CACNB4: variants seen among roughly 807,000 people sequenced by gnomAD.
CACNB4 encodes calcium voltage-gated channel auxiliary subunit beta 4.
In CACNB4, 32 loss-of-function variants were observed where a neutral mutation model predicts 71.2. That is an observed-to-expected ratio of 0.45 (90% CI 0.34 to 0.60). The LOEUF is 0.60. CACNB4 is among the 20% of genes least tolerant of loss of function. The pLI is 0.01. For synonymous variants in CACNB4, 231 were observed against 236.9 expected, an observed-to-expected ratio of 0.97 and a Z score of 0.23; for missense variants, 464 against 647.9, an observed-to-expected ratio of 0.72 and a Z score of 3.08.
intron 8 of CACNB4, 44 bp downstream of exon 8, chr2:151,870,487 G>T: frequency 1.3e-6 from 2 of 1,496,628 alleles, no homozygotes; most frequent in East Asian, 2.3e-5. Context: ...ACTGTCTCCT[G>T]GGTGCTCGAT....
intron 2 of CACNB4, among the ~76,000 whole-genome samples, chr2:152,000,326 C>T (rs1682325390): frequency 1.3e-5 from 2 of 152,234 alleles, no homozygotes; most frequent in South Asian, 4.1e-4. Flanking sequence ...CCAATCTCTG[C>T]ACCATCTCTT....
At chr2:151,916,863 G>C (rs2099857654) in intron 2 of CACNB4, among the ~76,000 whole-genome samples, 1 of 152,168 alleles carries the variant, frequency 6.6e-6, no homozygotes, top group Non-Finnish European at 1.5e-5. Context: ...CTGACATCTG[G>C]TGGGCAGAAG....
intron 2 of CACNB4, among the ~76,000 whole-genome samples, chr2:152,053,585 G>T (rs751951240): frequency 1.4e-5 from 2 of 147,142 alleles, no homozygotes; most frequent in Non-Finnish European, 3.0e-5. Context: ...GTGCAGTGGT[G>T]TGATCACAGC....
At chr2:152,091,400 G>C (rs1262528062) in intron 2 of CACNB4, among the ~76,000 whole-genome samples, 1 of 152,168 alleles carries the variant, frequency 6.6e-6, no homozygotes, top group African/African-American at 2.4e-5. Context: ...ATTCAATACT[G>C]TCTACCATGC....
At chr2:152,087,952 T>A (rs1315390419) in intron 2 of CACNB4, among the ~76,000 whole-genome samples, 1 of 152,124 alleles carries the variant, frequency 6.6e-6, no homozygotes, top group Non-Finnish European at 1.5e-5. Context: ...TGTTAATTTA[T>A]GGTTCCATTT....
At chr2:151,891,989 G>T (rs1051697579) in intron 2 of CACNB4, among the ~76,000 whole-genome samples, 1 of 152,170 alleles carries the variant, frequency 6.6e-6, no homozygotes, top group Admixed American at 6.5e-5. Flanking sequence ...GCACTTGGCA[G>T]CATTAGACCC....
chr2:151,887,872 A>G (rs1351308771), intron 2 of CACNB4, among the ~76,000 whole-genome samples: 1 of 152,190 alleles, frequency 6.6e-6, no homozygotes, highest in Admixed American at 6.5e-5. Flanking sequence ...ACTTTGACCC[A>G]CTAATTAAAG....
At chr2:152,003,206 G>T (rs1682526071) in intron 2 of CACNB4, among the ~76,000 whole-genome samples, 1 of 152,188 alleles carries the variant, frequency 6.6e-6, no homozygotes, top group Non-Finnish European at 1.5e-5. Flanking sequence ...ACTTTGGGAG[G>T]CTGAGGCAGG....
intron 12 of CACNB4, among the ~76,000 whole-genome samples, chr2:151,849,386 G>C (rs746533128): frequency 4.6e-5 from 7 of 152,016 alleles, no homozygotes; most frequent in Non-Finnish European, 1.0e-4. Context: ...GCCTACCAAG[G>C]AGCTAGGACT....
chr2:151,901,457 A>G (rs1200111990), intron 2 of CACNB4, among the ~76,000 whole-genome samples: 2 of 152,184 alleles, frequency 1.3e-5, no homozygotes, highest in Admixed American at 1.3e-4. Flanking sequence ...AAAGTCCAGG[A>G]AATCATTAGT....
intron 2 of CACNB4, among the ~76,000 whole-genome samples, chr2:152,052,252 T>C (rs1446780753): frequency 6.6e-6 from 1 of 152,256 alleles, no homozygotes; most frequent in African/African-American, 2.4e-5. Context: ...GAATGTCTCA[T>C]GTAATTCATT....
chr2:151,918,665 A>C (rs1387124583), intron 2 of CACNB4, among the ~76,000 whole-genome samples: 1 of 152,192 alleles, frequency 6.6e-6, no homozygotes, highest in African/African-American at 2.4e-5. Flanking sequence ...ATCCATGCCT[A>C]GCCTAGGATG....
chr2:151,860,495 C>T (rs2151375687), intron 10 of CACNB4: 1 of 569,368 alleles, frequency 1.8e-6, no homozygotes, highest in Non-Finnish European at 3.1e-6. Context: ...TTCCACCAGA[C>T]TACTAATTAG....
At chr2:151,958,458 C>T (rs112473344) in intron 2 of CACNB4, among the ~76,000 whole-genome samples, 2 of 152,004 alleles carry the variant, frequency 1.3e-5, no homozygotes, top group Non-Finnish European at 2.9e-5. Context: ...GCCTTCAATC[C>T]GGGACCTGGC....
chr2:152,055,203 G>A (rs920006884), intron 2 of CACNB4, among the ~76,000 whole-genome samples: 1 of 152,274 alleles, frequency 6.6e-6, no homozygotes, highest in South Asian at 2.1e-4. Flanking sequence ...GTAGAGACAG[G>A]GTTTCACCAT....
intron 2 of CACNB4, among the ~76,000 whole-genome samples, chr2:152,088,902 G>T (rs1687820023): frequency 6.6e-6 from 1 of 152,238 alleles, no homozygotes; most frequent in African/African-American, 2.4e-5. Flanking sequence ...CAAGCTAGAT[G>T]ATAATATATC....
intron 2 of CACNB4, chr2:151,971,777 G>A (rs2099872617): frequency 6.7e-6 from 4 of 597,914 alleles, no homozygotes; most frequent in African/African-American, 3.7e-5. Context: ...CTCTTCCCCT[G>A]ATTTATGTGA....
intron 2 of CACNB4, among the ~76,000 whole-genome samples, chr2:152,064,675 G>T (rs932981959): frequency 6.6e-6 from 1 of 152,154 alleles, no homozygotes; most frequent in Non-Finnish European, 1.5e-5. Flanking sequence ...GAGCCACCAC[G>T]CCCGGCCCTA....
chr2:151,869,433 T>G (rs978768556), intron 8 of CACNB4, 198 bp from the exon 9 acceptor site: 5 of 530,320 alleles, frequency 9.4e-6, no homozygotes, highest in African/African-American at 1.9e-5. Flanking sequence ...CCCCCCTTGG[T>G]TCTCCTCCAG....
Sources: gnomAD v4.1 joint callset for allele counts (sites outside exome capture counted in the v4.1 genomes callset) on GRCh38, gnomAD v4.1.1 for gene constraint, MANE v1.5 for transcripts, NCBI Gene and HGNC (gene_info 2026-07-23, HGNC 2026-07-21) for gene names.